The following MTMR1 variants were observed in gnomAD, a reference collection of about 807,000 sequenced individuals.
The protein encoded by MTMR1 is phosphatidylinositol-3-phosphate phosphatase MTMR1.
Under a neutral mutation model 51.6 loss-of-function variants are expected in MTMR1, and 17 were observed. That is an observed-to-expected ratio of 0.33 (90% CI 0.23 to 0.49). The LOEUF is 0.49. Ranked by LOEUF, MTMR1 falls within the 20% of genes least tolerant of loss-of-function variation. The pLI is 0.99. For synonymous variants in MTMR1, 201 were observed against 205.6 expected (o/e 0.98, Z 0.19); for missense variants, 386 against 526.9 (o/e 0.73, Z 2.62).
intron 4 of MTMR1, among the ~76,000 whole-genome samples, 187 bp downstream of exon 4, chrX:150,718,887 C>T (rs1391020848): frequency 9.1e-6 from 1 of 110,082 alleles, no homozygotes; most frequent in Non-Finnish European, 1.9e-5. Flanking sequence ...CAGAGGATCC[C>T]GTTAAGTTCC....
At chrX:150,758,591 G>A (rs920628438) in intron 15 of MTMR1, among the ~76,000 whole-genome samples, 5 of 111,517 alleles carry the variant, frequency 4.5e-5, no homozygotes, top group Non-Finnish European at 5.6e-5. Context: ...AGAAGTTTGA[G>A]ACCAGCCTGA....
chrX:150,732,233 TAGTC>T (rs782201582), intron 9 of MTMR1, among the ~76,000 whole-genome samples: 8 of 111,991 alleles, frequency 7.1e-5, no homozygotes, highest in Admixed American at 1.9e-4. Flanking sequence ...AAGGTAAAAT[TAGTC>T]AATCAAATTG....
rs186780332 is a variant in MTMR1 at position 150,759,314 on chromosome X, G to A, written c.1858-3251G>A. Among the ~76,000 whole-genome samples the A allele has an allele frequency of 4.5e-5, 5 of 112,172 alleles. No homozygotes were observed. The South Asian group carries it at 1.9e-3, about 42-fold the overall frequency. ...TCTATTTCATCTATTTTGGCAACAG[G>A]GAAGATGGGCTACAGAGTGTCAGAA... On this transcript the variant is annotated intron_variant, in intron 15 of 15. Transcript: ENST00000445323.
chrX:150,699,429 G>A lies in MTMR1; in HGVS notation c.252+129G>A, dbSNP rs935119793. 1.0e-5 allele frequency: 4 copies of A among 395,922 alleles called. No individual in the cohort carries two copies. The Admixed American group carries it at 2.0e-4, about 20-fold the overall frequency. The allele number at this position is 395,922 out of a possible 1,213,427, so 32.6% of individuals were successfully genotyped here. A position where few individuals can be genotyped will look rare whatever the true frequency, so the allele number is the denominator to read the frequency against. ...CATTTGCTCGAGAATAAGGATGAAA[G>A]GTTCTCTGTTGTTAGATCTGAAATG... On this transcript the variant is annotated intron_variant, in intron 2 of 15. Coordinates refer to ENST00000445323, the MANE Select transcript of MTMR1 (RefSeq NM_001306144.3).
chrX:150,750,252 A>G (rs1557417555), intron 13 of MTMR1, among the ~76,000 whole-genome samples: 1 of 112,051 alleles, frequency 8.9e-6, no homozygotes, highest in Non-Finnish European at 1.9e-5. Context: ...CACTTTGGGT[A>G]CATGTTATGA....
chrX:150,720,146 A>G (rs1169941658), intron 4 of MTMR1, among the ~76,000 whole-genome samples: 1 of 111,888 alleles, frequency 8.9e-6, no homozygotes, highest in Non-Finnish European at 1.9e-5. Flanking sequence ...TAAATAGGTC[A>G]TTGTGAAGTA....
At chrX:150,712,011 T>C (rs1557416236) in intron 2 of MTMR1, among the ~76,000 whole-genome samples, 1 of 110,887 alleles carries the variant, frequency 9.0e-6, no homozygotes, top group African/African-American at 3.3e-5. Context: ...AAATGGAAAC[T>C]AATGAACTTT....
Position 150,755,818 on chromosome X carries a change from T to A in MTMR1, c.1810T>A (p.Leu604Met). The A allele has an allele frequency of 8.3e-7, 1 of 1,206,980 alleles. No individual in the cohort carries two copies. The highest frequency in any genetic ancestry group is 1.1e-6 in the Non-Finnish European group (1 of 893,659). Reference sequence around the variant, plus strand: ...TGTTGCTAGTCTGAGTCATTTGGAATTGTGGGTAAATTATTATGTACGATG... The same window carrying A: ...TGTTGCTAGTCTGAGTCATTTGGAAATGTGGGTAAATTATTATGTACGATG... ...YPVASLSHLELWVNYYVRWNP... is the reference protein window; with the variant it reads ...YPVASLSHLEMWVNYYVRWNP... Residue 604 changes from leucine to methionine, a missense_variant, in exon 15 of 16, where the codon TTG becomes ATG. Leu to Met is a conservative substitution (Grantham distance 15). Transcript: ENST00000445323.
chrX:150,739,041 A>G (rs1200866821), intron 12 of MTMR1, among the ~76,000 whole-genome samples: 1 of 112,278 alleles, frequency 8.9e-6, no homozygotes, highest in Admixed American at 9.4e-5. Context: ...TAGACTTGCT[A>G]TGGAAAGCAG....
intron 15 of MTMR1, among the ~76,000 whole-genome samples, chrX:150,761,483 G>A (rs1485461306): frequency 8.9e-6 from 1 of 112,890 alleles, no homozygotes; most frequent in African/African-American, 3.2e-5. Flanking sequence ...GAAGGACCTG[G>A]TGAAAGATGA....
chrX:150,732,011 A>G (rs1327090212), intron 9 of MTMR1, among the ~76,000 whole-genome samples: 1 of 111,833 alleles, frequency 8.9e-6, no homozygotes. Flanking sequence ...TGGGAGGGAC[A>G]TCATTACAGA....
At chrX:150,737,124 A>G in intron 11 of MTMR1, 118 bp from the exon 12 acceptor site, 2 of 624,663 alleles carry the variant, frequency 3.2e-6, no homozygotes, top group Non-Finnish European at 4.9e-6. Context: ...ATTGCCTGCC[A>G]TTCTTGCTTG....
At chrX:150,747,235 G>A (rs1486964690) in intron 13 of MTMR1, among the ~76,000 whole-genome samples, 1 of 110,356 alleles carries the variant, frequency 9.1e-6, no homozygotes, top group Non-Finnish European at 1.9e-5. Context: ...GATCGCTTGA[G>A]GCCAGGAATT....
Position 150,762,608 on chromosome X carries a change from C to T in MTMR1, c.1901C>T (p.Ala634Val). 2 of 1,211,988 alleles carry T rather than the reference C, an allele frequency of 1.7e-6. No homozygotes were observed. The highest frequency in any genetic ancestry group is 1.8e-5 in the South Asian group (1 of 57,032). The change falls in exon 16 of 16, where the codon GCG becomes GTG. Residue 634 changes from alanine (A) to valine (V), a missense_variant. Coordinates refer to ENST00000445323, the MANE Select transcript of MTMR1 (RefSeq NM_001306144.3). The part of the protein sequence containing the change: ...QNLKELLAVR[A>V]ELQKRVEGLQ... ...CTCAAGGAGCTGCTGGCCGTCAGGGCGGAGCTGCAGAAGCGTGTGGAGGGC... is the reference window on the plus strand; with the variant it reads ...CTCAAGGAGCTGCTGGCCGTCAGGGTGGAGCTGCAGAAGCGTGTGGAGGGC...
chrX:150,713,226 C>T (rs1423329421), intron 3 of MTMR1, among the ~76,000 whole-genome samples: 1 of 111,696 alleles, frequency 9.0e-6, no homozygotes, highest in Non-Finnish European at 1.9e-5. Context: ...AATATTAGTG[C>T]TTGGCTTTAC....
At chrX:150,736,447 C>T in intron 10 of MTMR1, 148 bp from the exon 11 acceptor site, 1 of 468,753 alleles carries the variant, frequency 2.1e-6, no homozygotes, top group Non-Finnish European at 3.4e-6. Flanking sequence ...GTTCTTTTTC[C>T]AGCAGCCCTA....
chrX:150,693,670 T>C lies in MTMR1; in HGVS notation c.140T>C (p.Leu47Pro). 1.3e-6 allele frequency: 1 copy of C among 756,403 alleles called. No individual in the cohort carries two copies. Among genetic ancestry groups the C allele is most frequent in the Non-Finnish European group, 1.6e-6 (1 of 641,771 alleles). The allele number at this position is 756,403 out of a possible 1,213,427, so 62.3% of individuals were successfully genotyped here. Reference protein sequence around the residue: ...AGSRQPSVETLDSPTGSHVEW... With the variant: ...AGSRQPSVETPDSPTGSHVEW... Reference sequence around the variant, plus strand: ...TCCCGGCAGCCCAGCGTGGAGACCCTGGACAGGTAAGCGGGGCCCGGGCTG... The same window carrying C: ...TCCCGGCAGCCCAGCGTGGAGACCCCGGACAGGTAAGCGGGGCCCGGGCTG... Residue 47 changes from leucine to proline, a missense_variant, in exon 1 of 16, where the codon CTG (leucine) becomes CCG (proline). Physicochemically the swap from Leu to Pro is moderately conservative, Grantham distance 98. Transcript: ENST00000445323.
intron 1 of MTMR1, among the ~76,000 whole-genome samples, chrX:150,696,104 A>G (rs1021422199): frequency 9.0e-6 from 1 of 111,431 alleles, no homozygotes; most frequent in Non-Finnish European, 1.9e-5. Flanking sequence ...GGGCCAGACT[A>G]GTGGACAGGT....
At chrX:150,735,330 G>A (rs909541559) in intron 10 of MTMR1, 9 of 333,431 alleles carry the variant, frequency 2.7e-5, no homozygotes, top group African/African-American at 1.6e-4. Context: ...AATCCCACCC[G>A]TTCATGGTAT....
Sources: allele counts gnomAD v4.1 joint callset (sites outside exome capture counted in the v4.1 genomes callset), GRCh38; gene constraint gnomAD v4.1.1; transcripts MANE v1.5; gene names NCBI Gene and HGNC (gene_info 2026-07-23, HGNC 2026-07-21).